Variants in CACNA1S observed in about 807,000 individuals in gnomAD.
CACNA1S encodes calcium voltage-gated channel subunit alpha1 S, also known as voltage-dependent L-type calcium channel subunit alpha-1S.
CACNA1S carries 126 observed loss-of-function variants against 207.4 expected under a neutral mutation model. The observed-to-expected ratio is 0.61, with a 90% CI of 0.53 to 0.70. CACNA1S has a LOEUF of 0.70. Among genes scored for constraint, CACNA1S ranks in the 30% least tolerant of loss-of-function variants. CACNA1S has a pLI of 0.00. For synonymous variants in CACNA1S, 960 were observed against 932.7 expected (o/e 1.03, Z -0.53); for missense variants, 2,349 against 2,422.8 (o/e 0.97, Z 0.64).
At chr1:201,042,925 G>A in intron 40 of CACNA1S, 1 of 293,204 alleles carries the variant, frequency 3.4e-6, no homozygotes. Context: ...TAAATCCAGT[G>A]ATGGAATCTT....
chr1:201,061,626 A>G (rs1002245479), intron 24 of CACNA1S, among the ~76,000 whole-genome samples, 158 bp from the exon 25 acceptor site: 6 of 152,164 alleles, frequency 3.9e-5, no homozygotes, highest in African/African-American at 1.2e-4. Context: ...GCCAGGAAAG[A>G]CCAGACCCAA....
chr1:201,071,694 C>T (rs1661439332), intron 16 of CACNA1S, among the ~76,000 whole-genome samples: 1 of 152,294 alleles, frequency 6.6e-6, no homozygotes, highest in African/African-American at 2.4e-5. Flanking sequence ...TGTCAGCCAC[C>T]ATCTCACCTG....
At position 201,059,300 on chromosome 1, in the gene CACNA1S, C is replaced by T. The variant is rs780724976; in HGVS notation, c.3415-1G>A. On this transcript the variant is annotated splice_acceptor_variant, in intron 26 of 43. Transcript: ENST00000362061. LOFTEE classifies it high-confidence loss of function. The stretch of plus-strand genomic sequence containing the variant: ...TCATCTGCTCCGACTGGTTGTAGTG[C>T]TGTGGAGGGGACACAGGAGCAGTGG... 1.2e-6 allele frequency: 2 copies of T among 1,606,764 alleles called. No homozygotes were observed. The highest frequency in any genetic ancestry group is 8.5e-7 in the Non-Finnish European group (1 of 1,173,486).
At position 201,039,835 on chromosome 1, in the gene CACNA1S, A is replaced by G. The variant is rs1206392665; in HGVS notation, c.5618T>C (p.Leu1873Pro). The G allele has an allele frequency of 6.2e-7, 1 of 1,604,268 alleles. No individual in the cohort carries two copies. The highest frequency in any genetic ancestry group is 1.1e-5 in the South Asian group (1 of 91,090). The change falls in exon 44 of 44, where the codon CTG (leucine) becomes CCG (proline). Residue 1873 changes from leucine (L) to proline (P), a missense_variant. By Grantham distance (98) the Leu-to-Pro change is moderately conservative. Coordinates refer to ENST00000362061, the MANE Select transcript of CACNA1S (RefSeq NM_000069.3). ...CATGCTGATGCTGTGTGGGCATCAC[A>G]GCCTTGGAGGAATAAGGGTCTCCTG... ...GSQETLIPPRL is the reference protein window; with the variant it reads ...GSQETLIPPRP
chr1:201,082,867 G>A (rs577075020), intron 10 of CACNA1S, among the ~76,000 whole-genome samples: 5 of 152,262 alleles, frequency 3.3e-5, no homozygotes, highest in Admixed American at 1.3e-4. Flanking sequence ...TAATCTGCCC[G>A]GACACCTGGG....
intron 12 of CACNA1S, 78 bp downstream of exon 12, chr1:201,076,842 G>T: frequency 7.6e-7 from 1 of 1,313,524 alleles, no homozygotes; most frequent in Non-Finnish European, 1.1e-6. Context: ...AGAAGGTGAT[G>T]CCCACCTTGA....
intron 31 of CACNA1S, 113 bp from the exon 32 acceptor site, chr1:201,052,761 T>G: frequency 1.2e-6 from 1 of 861,734 alleles, no homozygotes; most frequent in Non-Finnish European, 2.0e-6. Flanking sequence ...TTCCCCAAAA[T>G]TCCCTTCATT....
chr1:201,047,020 C>T, intron 38 of CACNA1S, 95 bp downstream of exon 38: 1 of 1,510,962 alleles, frequency 6.6e-7, no homozygotes, highest in Admixed American at 1.7e-5. Context: ...TCTATGTCTC[C>T]ATCATTGGCC....
chr1:201,041,524 C>T lies in CACNA1S; in HGVS notation c.5114G>A (p.Gly1705Asp). Residue 1705 changes from glycine (G) to aspartate (D), a missense_variant, in exon 41 of 44, where the codon GGC becomes GAC. Coordinates refer to ENST00000362061, the MANE Select transcript of CACNA1S (RefSeq NM_000069.3). Reference protein sequence around the residue: ...ETPATRGRALGQPCRVLGPHS... With the variant: ...ETPATRGRALDQPCRVLGPHS... ...CTGACCCAGGACCCTGCAGGGTTGG[C>T]CAAGGGCTCGTCCTCTGGTAGCAGG... The T allele has an allele frequency of 6.2e-7, 1 of 1,614,064 alleles. No individual in the cohort carries two copies. Among genetic ancestry groups the T allele is most frequent in the Non-Finnish European group, 8.5e-7 (1 of 1,179,898 alleles).
At chr1:201,069,735 C>A in intron 17 of CACNA1S, 134 bp from the exon 18 acceptor site, 1 of 1,088,438 alleles carries the variant, frequency 9.2e-7, no homozygotes, top group Non-Finnish European at 1.3e-6. Flanking sequence ...TGCAGCCCTG[C>A]ACCTGCAGGG....
intron 38 of CACNA1S, 82 bp downstream of exon 38, chr1:201,047,033 T>C: frequency 1.3e-6 from 2 of 1,581,552 alleles, no homozygotes; most frequent in South Asian, 1.1e-5. Flanking sequence ...CATTGGCCCC[T>C]CAAGGACATG....
intron 40 of CACNA1S, among the ~76,000 whole-genome samples, chr1:201,042,256 T>A (rs1031517982): frequency 6.6e-6 from 1 of 152,198 alleles, no homozygotes; most frequent in Non-Finnish European, 1.5e-5. Context: ...TGCCTCAGCC[T>A]CCCGAGTAGC....
intron 22 of CACNA1S, among the ~76,000 whole-genome samples, chr1:201,065,549 C>T (rs758340166): frequency 1.3e-5 from 2 of 152,202 alleles, no homozygotes; most frequent in Non-Finnish European, 1.5e-5. Flanking sequence ...ACATGACCCT[C>T]TGCTACCATT....
At chr1:201,094,525 C>G (rs1662349299) in intron 2 of CACNA1S, among the ~76,000 whole-genome samples, 2 of 151,996 alleles carry the variant, frequency 1.3e-5, no homozygotes, top group Admixed American at 1.3e-4. Context: ...TGAAAGTCCC[C>G]AGGTGGTTTC....
chr1:201,065,738 C>T (rs975925130), intron 22 of CACNA1S, 100 bp downstream of exon 22: 32 of 792,588 alleles, frequency 4.0e-5, no homozygotes, highest in Middle Eastern at 2.9e-4. Context: ...TCTGTGCATT[C>T]GAAGACATCT....
intron 18 of CACNA1S, 80 bp downstream of exon 18, chr1:201,069,392 G>C (rs1661369008): frequency 6.3e-6 from 10 of 1,577,424 alleles, no homozygotes; most frequent in Non-Finnish European, 8.6e-6. Context: ...CCACATAGAG[G>C]ATACAGCTGA....
At chr1:201,083,012 A>G in intron 10 of CACNA1S, 150 bp downstream of exon 10, 2 of 835,822 alleles carry the variant, frequency 2.4e-6, no homozygotes, top group Non-Finnish European at 3.9e-6. Flanking sequence ...TAGGTCATAT[A>G]ATCCAGCACT....
At chr1:201,073,734 G>A (rs1661501937) in intron 14 of CACNA1S, 92 bp from the exon 15 acceptor site, 8 of 983,856 alleles carry the variant, frequency 8.1e-6, no homozygotes, top group Non-Finnish European at 1.3e-5. Flanking sequence ...CCCACACCAA[G>A]GGCTCCAGGG....
In CACNA1S at chr1:201,104,909, C is replaced by T. The variant is rs540657131; in HGVS notation, c.258+5255G>A. Among the ~76,000 whole-genome samples the T allele has an allele frequency of 8.5e-5, 13 of 152,334 alleles. 1 individual carries two copies. The South Asian group carries it at 1.0e-3, about 12-fold the overall frequency. ...CATGTGCAGTGATCTAACCTCTCTGCGCTGTGGTTTACTCCTCTGTACAAA... is the reference window on the plus strand; with the variant it reads ...CATGTGCAGTGATCTAACCTCTCTGTGCTGTGGTTTACTCCTCTGTACAAA... On this transcript the variant is annotated intron_variant, in intron 2 of 43. Coordinates refer to ENST00000362061, the MANE Select transcript of CACNA1S (RefSeq NM_000069.3).
Sources: gnomAD v4.1 joint callset for allele counts (sites outside exome capture counted in the v4.1 genomes callset) on GRCh38, gnomAD v4.1.1 for gene constraint, MANE v1.5 for transcripts, NCBI Gene and HGNC (gene_info 2026-07-23, HGNC 2026-07-21) for gene names.